PNPLA3: variants seen among roughly 807,000 people sequenced by gnomAD.
PNPLA3 encodes the protein 1-acylglycerol-3-phosphate O-acyltransferase PNPLA3.
A neutral mutation model predicts 43.1 loss-of-function variants in PNPLA3; 42 were observed. The ratio of observed to expected loss-of-function variants is 0.97; its 90% CI spans 0.76 to 1.26. PNPLA3 has a LOEUF of 1.26. Among genes scored for constraint, PNPLA3 ranks in the 50% most tolerant of loss-of-function variants. The pLI is 0.00. For missense variants in PNPLA3, 647 were observed against 621.4 expected, an observed-to-expected ratio of 1.04 and a Z score of -0.44; for synonymous variants, 272 against 253.6, an observed-to-expected ratio of 1.07 and a Z score of -0.69.
chr22:43,939,749 G>A (rs1238112694), intron 6 of PNPLA3, among the ~76,000 whole-genome samples: 6 of 152,068 alleles, frequency 3.9e-5, no homozygotes, highest in Non-Finnish European at 8.8e-5. Context: ...CCAGGAGGCG[G>A]AGGTTGCAGT....
intron 6 of PNPLA3, 79 bp downstream of exon 6, chr22:43,937,351 A>T: frequency 8.9e-6 from 12 of 1,354,286 alleles, no homozygotes; most frequent in Non-Finnish European, 1.2e-5. Flanking sequence ...GTACTGCCAC[A>T]TGGGAGCGAT....
chr22:43,945,894 C>T (rs1371387962), intron 8 of PNPLA3, among the ~76,000 whole-genome samples: 3 of 152,140 alleles, frequency 2.0e-5, no homozygotes, highest in Non-Finnish European at 4.4e-5. Flanking sequence ...TAGGCCCCTC[C>T]AGGGATTCGT....
chr22:43,937,324 C>A, intron 6 of PNPLA3, 52 bp downstream of exon 6: 1 of 1,534,588 alleles, frequency 6.5e-7, no homozygotes, highest in Non-Finnish European at 8.9e-7. Flanking sequence ...CTTTCTTGTG[C>A]ATTATGGAGG....
At chr22:43,929,252 G>T (rs1457407545) in intron 3 of PNPLA3, among the ~76,000 whole-genome samples, 1 of 152,072 alleles carries the variant, frequency 6.6e-6, no homozygotes, top group African/African-American at 2.4e-5. Context: ...GAAGCAGGCA[G>T]ATCACTTGAG....
At chr22:43,939,764 C>T (rs543816584) in intron 6 of PNPLA3, among the ~76,000 whole-genome samples, 122 of 150,746 alleles carry the variant, frequency 8.1e-4, no homozygotes, top group Admixed American at 1.6e-3. Flanking sequence ...TGCAGTGAGC[C>T]GAGATTGCGC....
intron 6 of PNPLA3, chr22:43,939,425 A>G (rs2050016648): frequency 1.0e-6 from 1 of 975,670 alleles, no homozygotes; most frequent in Non-Finnish European, 1.2e-6. Context: ...GTCAATTTAA[A>G]GGAGCTGGGA....
At position 43,946,551 on chromosome 22, in the gene PNPLA3, G is replaced by T. The variant is rs2050064776; in HGVS notation, c.*169G>T. The T allele has an allele frequency of 1.4e-6, 1 of 726,846 alleles. No individual in the cohort carries two copies. The highest frequency in any genetic ancestry group is 2.5e-6 in the Non-Finnish European group (1 of 407,486). 45.0% of individuals were successfully genotyped at this position (726,846 alleles called of 1,614,324 possible). A position where few individuals can be genotyped will look rare whatever the true frequency, so the allele number is the denominator to read the frequency against. ...AAAGCTAGGAAGCAACCTTTCGCCT[G>T]TGCAGCGGTCCAGCACTTAACTCTA... On this transcript the variant is annotated 3_prime_UTR_variant, in exon 9 of 9. Transcript: ENST00000216180.
At chr22:43,930,449 T>C (rs2049954662) in intron 3 of PNPLA3, among the ~76,000 whole-genome samples, 1 of 152,188 alleles carries the variant, frequency 6.6e-6, no homozygotes, top group South Asian at 2.1e-4. Flanking sequence ...TGGTTGGGCA[T>C]CAGCAGGACC....
Position 43,932,961 on chromosome 22 carries a change from G to A in PNPLA3, c.570G>A (p.Glu190=). The change falls in exon 4 of 9, where the codon GAG becomes GAA. Residue 190 remains glutamate, a synonymous_variant. Coordinates refer to ENST00000216180, the MANE Select transcript of PNPLA3 (RefSeq NM_025225.3). The part of the protein sequence containing the change: ...TTITVSPFYG[E]YDICPKVKST... ...TCACCGTGTCCCCCTTCTATGGGGA[G>A]TACGACATCTGCCCTAAAGTCAAGT... is the stretch of plus-strand genomic sequence containing the variant. 6.2e-7 allele frequency: 1 copy of A among 1,614,182 alleles called. No individual in the cohort carries two copies. Among genetic ancestry groups the A allele is most frequent in the Non-Finnish European group, 8.5e-7 (1 of 1,180,010 alleles).
At chr22:43,946,081 G>T in intron 8 of PNPLA3, 73 bp from the exon 9 acceptor site, 1 of 1,419,660 alleles carries the variant, frequency 7.0e-7, no homozygotes, top group South Asian at 1.2e-5. Context: ...GGCAATGTGG[G>T]TCCACCGTAG....
chr22:43,929,468 T>C (rs2049947468), intron 3 of PNPLA3, among the ~76,000 whole-genome samples: 1 of 143,966 alleles, frequency 6.9e-6, no homozygotes, highest in African/African-American at 2.6e-5. Flanking sequence ...AGAGCGAGAC[T>C]CTATCTCAAA....
chr22:43,938,497 G>A (rs957575995), intron 6 of PNPLA3, among the ~76,000 whole-genome samples: 1 of 152,190 alleles, frequency 6.6e-6, no homozygotes, highest in East Asian at 1.9e-4. Context: ...CATGGCAGAA[G>A]GTGAACGGGA....
intron 2 of PNPLA3, among the ~76,000 whole-genome samples, chr22:43,928,282 G>T (rs1317236671): frequency 6.6e-6 from 1 of 152,200 alleles, no homozygotes; most frequent in African/African-American, 2.4e-5. Context: ...CGTTCTCCCA[G>T]TGAATCACCG....
rs770041794 is a variant in PNPLA3, at chr22:43,933,021, C to G, written c.630C>G (p.Leu210=). 2 of 1,614,074 alleles carry G rather than the reference C, an allele frequency of 1.2e-6. No individual in the cohort carries two copies. Among genetic ancestry groups the G allele is most frequent in the Admixed American group, 1.7e-5 (1 of 60,006 alleles). ...TTCTTCATGTGGACATCACCAAGCT[C>G]AGTCTACGCCTCTGCACAGGGAACC... is the stretch of plus-strand genomic sequence containing the variant. ...TNFLHVDITK[L]SLRLCTGNLY... Residue 210 remains leucine (L), a synonymous_variant, in exon 4 of 9, where the codon CTC becomes CTG. Coordinates refer to ENST00000216180, the MANE Select transcript of PNPLA3 (RefSeq NM_025225.3).
chr22:43,939,893 A>G, intron 6 of PNPLA3, 100 bp from the exon 7 acceptor site: 1 of 1,556,080 alleles, frequency 6.4e-7, no homozygotes, highest in Non-Finnish European at 8.8e-7. Context: ...TTTGGCTGCC[A>G]GGACGGGCGT....
At chr22:43,939,773 G>A (rs889825610) in intron 6 of PNPLA3, among the ~76,000 whole-genome samples, 8 of 145,124 alleles carry the variant, frequency 5.5e-5, no homozygotes, top group Non-Finnish European at 9.1e-5. Flanking sequence ...CCGAGATTGC[G>A]CCATTGCACT....
At chr22:43,940,862 C>T (rs536501113) in intron 7 of PNPLA3, among the ~76,000 whole-genome samples, 3 of 151,520 alleles carry the variant, frequency 2.0e-5, no homozygotes, top group East Asian at 2.0e-4. Flanking sequence ...AAGTCACGGC[C>T]GGGCACGGTG....
intron 6 of PNPLA3, among the ~76,000 whole-genome samples, chr22:43,937,793 C>G (rs1456986639): frequency 6.6e-6 from 1 of 152,220 alleles, no homozygotes; most frequent in Non-Finnish European, 1.5e-5. Flanking sequence ...CAATTTTGAA[C>G]CTCCATCGAA....
rs969707503 is a variant in PNPLA3 at position 43,924,035 on chromosome 22, ATGT to A, written c.129_131del (p.Leu43del). 1 of 1,580,990 alleles carries A rather than the reference ATGT, an allele frequency of 6.3e-7. No homozygotes were observed. Among genetic ancestry groups the A allele is most frequent in the Non-Finnish European group, 8.5e-7 (1 of 1,172,526 alleles). On this transcript the variant is annotated inframe_deletion, in exon 1 of 9. Transcript: ENST00000216180. ...CCCGCACCTCCTCCGCGACGCGCGC[ATGT>A]TGTTCGGCGCTTCGGCCGGGGCGTT...
Sources: allele counts gnomAD v4.1 joint callset (sites outside exome capture counted in the v4.1 genomes callset), GRCh38; gene constraint gnomAD v4.1.1; transcripts MANE v1.5; gene names NCBI Gene and HGNC (gene_info 2026-07-23, HGNC 2026-07-21).